The following COPS3 variants were observed in gnomAD, a reference collection of about 807,000 sequenced individuals.
The protein encoded by COPS3 is COP9 signalosome subunit 3.
A neutral mutation model predicts 58.2 loss-of-function variants in COPS3; 10 were observed. The observed-to-expected ratio is 0.17, with a 90% CI of 0.11 to 0.29. The LOEUF is 0.29. Ranked by LOEUF, COPS3 falls within the 10% of genes least tolerant of loss-of-function variation. The pLI is 1.00. For synonymous variants in COPS3, 187 were observed against 181.7 expected, an observed-to-expected ratio of 1.03 and a Z score of -0.24; for missense variants, 333 against 510.1, an observed-to-expected ratio of 0.65 and a Z score of 3.34.
Position 17,281,151 on chromosome 17 carries a change from G to A in COPS3, c.36C>T (p.Val12=), listed in dbSNP as rs373992650. The part of the protein sequence containing the change: ...ASALEQFVNS[V]RQLSAQGQMT... ...CGTTACCTTGAGCTGAGAGCTGTCG[G>A]ACACTGTTCACGAACTGCTCCAGGG... Residue 12 remains valine, a synonymous_variant, in exon 1 of 12, where the codon GTC becomes GTT. Transcript: ENST00000268717. 1.9e-5 allele frequency: 31 copies of A among 1,611,438 alleles called. No individual in the cohort carries two copies. The African/African-American group carries it at 3.5e-4, about 18-fold the overall frequency.
intron 4 of COPS3, among the ~76,000 whole-genome samples, chr17:17,269,099 C>T (rs751867780): frequency 3.3e-5 from 5 of 152,010 alleles, no homozygotes; most frequent in Non-Finnish European, 5.9e-5. Context: ...CTGAAGCAGG[C>T]GGATCACCAG....
At chr17:17,252,720 C>T (rs1238974278) in intron 9 of COPS3, among the ~76,000 whole-genome samples, 2 of 152,192 alleles carry the variant, frequency 1.3e-5, no homozygotes, top group Non-Finnish European at 2.9e-5. Context: ...GTGTCATAAC[C>T]ACTCATGTAT....
chr17:17,263,720 G>C (rs944942878), intron 6 of COPS3, among the ~76,000 whole-genome samples: 1 of 151,250 alleles, frequency 6.6e-6, no homozygotes, highest in Non-Finnish European at 1.5e-5. Flanking sequence ...CTCCACGTTG[G>C]TCAGGCTGGT....
At chr17:17,247,418 A>C (rs1177265692) in intron 11 of COPS3, 62 bp downstream of exon 11, 2 of 1,445,974 alleles carry the variant, frequency 1.4e-6, no homozygotes, top group Admixed American at 3.4e-5. Flanking sequence ...CCTGTGCCTG[A>C]TGTGACAACA....
chr17:17,259,430 T>C (rs529694761), intron 8 of COPS3, among the ~76,000 whole-genome samples: 1 of 152,356 alleles, frequency 6.6e-6, no homozygotes, highest in South Asian at 2.1e-4. Context: ...TTTTCTATAG[T>C]CAAAACCTAG....
chr17:17,265,145 T>C (rs764912424), intron 5 of COPS3, among the ~76,000 whole-genome samples, 164 bp from the exon 6 acceptor site: 1 of 152,230 alleles, frequency 6.6e-6, no homozygotes, highest in Non-Finnish European at 1.5e-5. Flanking sequence ...GTATCTGCTA[T>C]CTGAAATGCT....
chr17:17,275,966 A>G (rs199895182), intron 2 of COPS3, 69 bp downstream of exon 2: 4 of 1,397,178 alleles, frequency 2.9e-6, no homozygotes, highest in Admixed American at 2.3e-5. Flanking sequence ...AATAAATAAA[A>G]ATAAAGCCAG....
At position 17,254,086 on chromosome 17, in the gene COPS3, T is replaced by C. The variant is rs572459037; in HGVS notation, c.1023+773A>G. On this transcript the variant is annotated intron_variant, in intron 9 of 11. Coordinates refer to ENST00000268717, the MANE Select transcript of COPS3 (RefSeq NM_003653.4). ...ATTTGGGAGGCCTAGGAGGGCAGATTGAGCCTAGGAGTTCAAATCCAGCCT... is the reference window on the plus strand; with the variant it reads ...ATTTGGGAGGCCTAGGAGGGCAGATCGAGCCTAGGAGTTCAAATCCAGCCT... Among the ~76,000 whole-genome samples, 16 of 151,960 alleles carry C rather than the reference T, an allele frequency of 1.1e-4. No homozygotes were observed. In the East Asian group the frequency reaches 2.5e-3, roughly 24 times the overall value.
chr17:17,268,607 T>C (rs960409421), intron 4 of COPS3, among the ~76,000 whole-genome samples: 1 of 152,042 alleles, frequency 6.6e-6, no homozygotes, highest in Non-Finnish European at 1.5e-5. Context: ...GATCATGAGG[T>C]CAGGAGATCA....
chr17:17,260,055 G>A (rs756868131), intron 8 of COPS3, among the ~76,000 whole-genome samples: 2 of 152,174 alleles, frequency 1.3e-5, no homozygotes, highest in African/African-American at 2.4e-5. Flanking sequence ...GTCTCCCAAT[G>A]TAGCCTTGTC....
In COPS3 at chr17:17,249,419, G is replaced by T. The variant is rs967400408; in HGVS notation, c.1024-380C>A. Reference sequence around the variant, plus strand: ...GCTCACTGCAACCTCTACCTCCGGGGTTCAAGCAATTCTCCTGCCTCAGCC... The same window carrying T: ...GCTCACTGCAACCTCTACCTCCGGGTTTCAAGCAATTCTCCTGCCTCAGCC... On this transcript the variant is annotated intron_variant, in intron 9 of 11. Coordinates refer to ENST00000268717, the MANE Select transcript of COPS3 (RefSeq NM_003653.4). Among the ~76,000 whole-genome samples, 21 of 152,132 alleles carry T rather than the reference G, an allele frequency of 1.4e-4. 1 individual carries two copies. The highest frequency in any genetic ancestry group is 2.9e-4 in the Non-Finnish European group (20 of 68,030).
At chr17:17,251,642 C>T (rs989757890) in intron 9 of COPS3, among the ~76,000 whole-genome samples, 2 of 152,086 alleles carry the variant, frequency 1.3e-5, no homozygotes, top group African/African-American at 4.8e-5. Flanking sequence ...ACATTGTAGC[C>T]CTGAAAACGA....
chr17:17,250,010 C>T, intron 9 of COPS3, among the ~76,000 whole-genome samples: 1 of 152,214 alleles, frequency 6.6e-6, no homozygotes, highest in East Asian at 1.9e-4. Context: ...AGTTCTGGAG[C>T]ATTTTCGTCA....
At chr17:17,270,579 C>T (rs1337712366) in intron 4 of COPS3, among the ~76,000 whole-genome samples, 179 bp downstream of exon 4, 1 of 152,038 alleles carries the variant, frequency 6.6e-6, no homozygotes, top group African/African-American at 2.4e-5. Context: ...GCCTCCACCT[C>T]ATTCAGGGGA....
chr17:17,261,861 G>T lies in COPS3; in HGVS notation c.762+105C>A, dbSNP rs1042043703. 53 of 921,682 alleles carry T rather than the reference G, an allele frequency of 5.8e-5. No individual in the cohort carries two copies. The Admixed American group carries it at 1.3e-3, about 23-fold the overall frequency. 57.1% of individuals were successfully genotyped at this position (921,682 alleles called of 1,614,324 possible). A position where few individuals can be genotyped will look rare whatever the true frequency, so the allele number is the denominator to read the frequency against. On this transcript the variant is annotated intron_variant, in intron 7 of 11. Coordinates refer to ENST00000268717, the MANE Select transcript of COPS3 (RefSeq NM_003653.4). ...ATGTCTGCTCACCTGAAGCTGCTAG[G>T]AGAGCTAAATCAGTATAAAACGAAG...
At chr17:17,271,590 C>T (rs927210412) in intron 2 of COPS3, among the ~76,000 whole-genome samples, 6 of 151,102 alleles carry the variant, frequency 4.0e-5, no homozygotes, top group South Asian at 2.1e-4. Flanking sequence ...GAGGCCAAGG[C>T]GGGAGGATCA....
intron 1 of COPS3, among the ~76,000 whole-genome samples, chr17:17,279,477 A>C (rs973258525): frequency 6.6e-6 from 1 of 152,214 alleles, no homozygotes; most frequent in African/African-American, 2.4e-5. Context: ...TTCATAGAAA[A>C]GGCAAGCCTG....
At chr17:17,258,037 G>A (rs1245135114) in intron 8 of COPS3, among the ~76,000 whole-genome samples, 1 of 151,952 alleles carries the variant, frequency 6.6e-6, no homozygotes, top group Non-Finnish European at 1.5e-5. Flanking sequence ...TTTAGCACTG[G>A]GACATCATGC....
intron 8 of COPS3, among the ~76,000 whole-genome samples, chr17:17,256,440 A>C (rs2047977782): frequency 6.6e-6 from 1 of 152,198 alleles, no homozygotes; most frequent in Admixed American, 6.6e-5. Flanking sequence ...GAGGCTACAC[A>C]CTTGTGATGA....
Sources: gnomAD v4.1 joint callset for allele counts (sites outside exome capture counted in the v4.1 genomes callset) on GRCh38, gnomAD v4.1.1 for gene constraint, MANE v1.5 for transcripts, NCBI Gene and HGNC (gene_info 2026-07-23, HGNC 2026-07-21) for gene names.